The following NLN variants were observed in gnomAD, a reference collection of about 807,000 sequenced individuals.
NLN encodes the protein neurolysin, also known as neurolysin, mitochondrial.
In NLN, 64 loss-of-function variants were observed where a neutral mutation model predicts 79.9. The observed-to-expected ratio is 0.80, with a 90% CI of 0.65 to 0.99. NLN has a LOEUF of 0.99. Ranked by LOEUF, NLN falls within the 50% of genes least tolerant of loss-of-function variation. The pLI, the probability that NLN is intolerant of heterozygous loss-of-function variation, is 0.00. For synonymous variants in NLN, 267 were observed against 296.6 expected (o/e 0.90, Z 1.02); for missense variants, 835 against 858.7 (o/e 0.97, Z 0.34).
intron 1 of NLN, chr5:65,733,329 A>G: frequency 6.6e-7 from 1 of 1,511,418 alleles, no homozygotes; most frequent in Non-Finnish European, 9.1e-7. Flanking sequence ...CTCCCAACTC[A>G]GGCTCCTCCT....
At chr5:65,775,242 G>C (rs562265098) in intron 3 of NLN, among the ~76,000 whole-genome samples, 1 of 152,254 alleles carries the variant, frequency 6.6e-6, no homozygotes, top group South Asian at 2.1e-4. Context: ...TAGTATGAGA[G>C]CCCATCCTCA....
intron 9 of NLN, among the ~76,000 whole-genome samples, chr5:65,797,198 G>A (rs945465268): frequency 6.6e-6 from 1 of 152,180 alleles, no homozygotes; most frequent in African/African-American, 2.4e-5. Context: ...GAATAGTAAT[G>A]CCTCTTAGCC....
rs1579959420 is a variant in NLN, at chr5:65,798,553, A to G, written c.1527+5898A>G. Among the ~76,000 whole-genome samples, 2 of 152,284 alleles carry G rather than the reference A, an allele frequency of 1.3e-5. 1 individual carries two copies. The highest frequency in any genetic ancestry group is 3.9e-4 in the East Asian group (2 of 5,178). On this transcript the variant is annotated intron_variant, in intron 9 of 12. Transcript: ENST00000380985. ...GAGGTTTCAGTCCTAAAATGCAGTG[A>G]ACTCCCTATCATCAGCTTTGTGGCC...
At chr5:65,800,270 C>T (rs1760255043) in intron 9 of NLN, among the ~76,000 whole-genome samples, 2 of 152,298 alleles carry the variant, frequency 1.3e-5, no homozygotes, top group South Asian at 4.1e-4. Context: ...TGATTCTGTT[C>T]CTGTTCTTAT....
In NLN at chr5:65,758,568, G is replaced by A. The variant is rs780004542; in HGVS notation, c.43G>A (p.Val15Ile). Residue 15 changes from valine to isoleucine, a missense_variant and splice_region_variant, in exon 2 of 13, where the codon GTT becomes ATT. Coordinates refer to ENST00000380985, the MANE Select transcript of NLN (RefSeq NM_020726.5). ...TATTCTTTTTCTGATTCTTTTTAGAGTTGGTGGTTCCAGGATTTTACTCAG... is the reference window on the plus strand; with the variant it reads ...TATTCTTTTTCTGATTCTTTTTAGAATTGGTGGTTCCAGGATTTTACTCAG... ...CLLAVRSLRR[V>I]GGSRILLRMT... The A allele has an allele frequency of 6.2e-7, 1 of 1,601,990 alleles. No homozygotes were observed. Among genetic ancestry groups the A allele is most frequent in the South Asian group, 1.1e-5 (1 of 90,664 alleles).
intron 1 of NLN, among the ~76,000 whole-genome samples, chr5:65,725,831 G>A (rs1456043722): frequency 1.3e-5 from 2 of 152,042 alleles, no homozygotes; most frequent in African/African-American, 2.4e-5. Flanking sequence ...GTGTTCCATG[G>A]GCTGGGCACG....
intron 3 of NLN, among the ~76,000 whole-genome samples, chr5:65,769,624 G>A (rs252628): frequency 0.56 from 85,399 of 152,028 alleles, 24,311 homozygotes; most frequent in South Asian, 0.6. Flanking sequence ...AAGACTAACC[G>A]GTGTGTTGTG....
chr5:65,792,516 G>C lies in NLN; in HGVS notation c.1388G>C (p.Gly463Ala). ...GLQPGCLLPD[G>A]SRMMAVAALV... The stretch of plus-strand genomic sequence containing the variant: ...CAGCCTGGCTGCCTTCTGCCTGATG[G>C]AAGCCGGATGATGGCAGTGGCTGCC... Residue 463 changes from glycine (G) to alanine (A), a missense_variant, in exon 9 of 13, where the codon GGA (glycine) becomes GCA (alanine). Gly to Ala is a moderately conservative substitution (Grantham distance 60). Coordinates refer to ENST00000380985, the MANE Select transcript of NLN (RefSeq NM_020726.5). 4 of 1,614,136 alleles carry C rather than the reference G, an allele frequency of 2.5e-6. No individual in the cohort carries two copies. Among genetic ancestry groups the C allele is most frequent in the Middle Eastern group, 1.6e-4 (1 of 6,062 alleles).
intron 6 of NLN, among the ~76,000 whole-genome samples, chr5:65,783,352 T>C (rs1285147961): frequency 8.6e-5 from 13 of 152,044 alleles, no homozygotes; most frequent in Admixed American, 7.9e-4. Context: ...GGTCCAGAGG[T>C]GGAAGACAGC....
intron 12 of NLN, among the ~76,000 whole-genome samples, chr5:65,821,986 G>A (rs1248646095): frequency 6.6e-6 from 1 of 152,160 alleles, no homozygotes; most frequent in African/African-American, 2.4e-5. Flanking sequence ...AAATTTAAGT[G>A]TTACTCTGTG....
At chr5:65,757,736 A>T (rs1187063654) in intron 1 of NLN, among the ~76,000 whole-genome samples, 1 of 152,118 alleles carries the variant, frequency 6.6e-6, no homozygotes, top group Non-Finnish European at 1.5e-5. Flanking sequence ...TTCTTTTAGG[A>T]TAATGGCATA....
At chr5:65,724,499 G>A (rs975014946) in intron 1 of NLN, among the ~76,000 whole-genome samples, 1 of 152,094 alleles carries the variant, frequency 6.6e-6, no homozygotes, top group Non-Finnish European at 1.5e-5. Flanking sequence ...GTGGACATTT[G>A]GGTTGCTTCC....
At chr5:65,727,521 G>C (rs866217214) in intron 1 of NLN, among the ~76,000 whole-genome samples, 6 of 151,204 alleles carry the variant, frequency 4.0e-5, no homozygotes, top group Non-Finnish European at 7.4e-5. Context: ...AATAGCTAAG[G>C]CCTTAAAAAA....
At chr5:65,779,992 A>AT (rs1323186842) in intron 4 of NLN, 187 bp from the exon 5 acceptor site, 1 of 429,728 alleles carries the variant, frequency 2.3e-6, no homozygotes, top group African/African-American at 2.1e-5. Context: ...CATCCAGCTA[A>AT]TTTTTGTATT....
intron 12 of NLN, among the ~76,000 whole-genome samples, chr5:65,821,115 C>T (rs1215729642): frequency 6.7e-6 from 1 of 149,658 alleles, no homozygotes; most frequent in South Asian, 2.1e-4. Flanking sequence ...GAATGGGGGG[C>T]GGAAAGGGAA....
rs1365867954 is a variant in NLN, at chr5:65,827,665, T to A, written c.*4750T>A. Reference sequence around the variant, plus strand: ...ATGAAAAAAAAGTCCCATAAAAAGGTATCAAATGTACAGATAATAGGGCTG... The same window carrying A: ...ATGAAAAAAAAGTCCCATAAAAAGGAATCAAATGTACAGATAATAGGGCTG... On this transcript the variant is annotated 3_prime_UTR_variant, in exon 13 of 13. Transcript: ENST00000380985. The A allele has an allele frequency of 6.6e-6, 1 of 152,124 alleles. No homozygotes were observed. Among genetic ancestry groups the A allele is most frequent in the East Asian group, 1.9e-4 (1 of 5,202 alleles). The allele number at this position is 152,124 out of a possible 1,614,324, so 9.4% of individuals were successfully genotyped here.
rs1362790221 is a variant in NLN, at chr5:65,792,569, GC to G, written c.1442del (p.Ala481GlufsTer7). On this transcript the variant is annotated frameshift_variant, in exon 9 of 13. Transcript: ENST00000380985. LOFTEE classifies it high-confidence loss of function. ...ALVVNFSQPV[A>X]GRPSLLRHDE... The stretch of plus-strand genomic sequence containing the variant: ...CGTGGTGAACTTCTCACAGCCAGTG[GC>G]AGGTCGTCCCTCTCTCCTGAGACAC... 1 of 1,613,954 alleles carries G rather than the reference GC, an allele frequency of 6.2e-7. No homozygotes were observed. Among genetic ancestry groups the G allele is most frequent in the Non-Finnish European group, 8.5e-7 (1 of 1,179,842 alleles).
At chr5:65,808,489 G>A (rs980038629) in intron 9 of NLN, among the ~76,000 whole-genome samples, 20 of 152,288 alleles carry the variant, frequency 1.3e-4, no homozygotes, top group African/African-American at 4.1e-4. Flanking sequence ...AGATGACCCA[G>A]TAGGATAAAT....
chr5:65,731,481 C>G (rs908053021), intron 1 of NLN, among the ~76,000 whole-genome samples: 17 of 152,020 alleles, frequency 1.1e-4, no homozygotes, highest in African/African-American at 4.1e-4. Flanking sequence ...TGTGAATTGC[C>G]TAGTTTTATT....
Sources: gnomAD v4.1 joint callset for allele counts (sites outside exome capture counted in the v4.1 genomes callset) on GRCh38, gnomAD v4.1.1 for gene constraint, MANE v1.5 for transcripts, NCBI Gene and HGNC (gene_info 2026-07-23, HGNC 2026-07-21) for gene names.